The following STK10 variants were observed in gnomAD, a reference collection of about 807,000 sequenced individuals.
STK10 encodes the protein serine/threonine kinase 10, also known as serine/threonine-protein kinase 10.
A neutral mutation model predicts 113.8 loss-of-function variants in STK10; 78 were observed. That is an observed-to-expected ratio of 0.69 (90% CI 0.57 to 0.83). The LOEUF (loss-of-function observed/expected upper bound fraction) is 0.83. Ranked by LOEUF, STK10 falls within the 40% of genes least tolerant of loss-of-function variation. The pLI, the probability that STK10 is intolerant of heterozygous loss-of-function variation, is 0.00. For missense variants in STK10, 1,109 were observed against 1,280.1 expected, an observed-to-expected ratio of 0.87 and a Z score of 2.04; for synonymous variants, 465 against 494.7, an observed-to-expected ratio of 0.94 and a Z score of 0.80.
chr5:172,044,762 GC>G lies in STK10; in HGVS notation c.*119del. On this transcript the variant is annotated 3_prime_UTR_variant, in exon 19 of 19. Transcript: ENST00000176763. This position sits in a 1 kb window ranked among gnomAD's most constrained non-coding sequence, Gnocchi z 4.5. ...CAGTTGGGGTGGCACAGGGCGAGGG[GC>G]TGGATTTGAGCTGGCACAGACGCAA... is the stretch of plus-strand genomic sequence containing the variant. 6.5e-7 allele frequency: 1 copy of G among 1,542,410 alleles called. No homozygotes were observed. The highest frequency in any genetic ancestry group is 2.3e-5 in the East Asian group (1 of 44,338).
In STK10 at chr5:172,127,270, A is replaced by G. The variant is rs574882287; in HGVS notation, c.370+103T>C. 42 of 1,265,362 alleles carry G rather than the reference A, an allele frequency of 3.3e-5. No individual in the cohort carries two copies. In the African/African-American group the frequency reaches 3.7e-4, roughly 11 times the overall value. 78.4% of individuals were successfully genotyped at this position (1,265,362 alleles called of 1,614,324 possible). On this transcript the variant is annotated intron_variant, in intron 3 of 18. Transcript: ENST00000176763. ...AGGCCATGGGAACTGATGGAATGGG[A>G]GAGTGGAGGTCCCAGTCCTAGACAG...
In STK10 at chr5:172,187,816, G is replaced by A; in HGVS notation, c.156+71C>T. ...TCGGAGCCGGAGCCAGGCTGGCCGG[G>A]TCCGGCTCAGGCATCCCTTCCTTCC... is the stretch of plus-strand genomic sequence containing the variant. On this transcript the variant is annotated intron_variant, in intron 1 of 18. Transcript: ENST00000176763. The surrounding 1 kb of genome is among the most constrained non-coding windows in gnomAD (Gnocchi z 4.6). 1.3e-6 allele frequency: 2 copies of A among 1,568,982 alleles called. No homozygotes were observed. Among genetic ancestry groups the A allele is most frequent in the Non-Finnish European group, 1.7e-6 (2 of 1,157,566 alleles).
intron 18 of STK10, among the ~76,000 whole-genome samples, chr5:172,046,666 G>T (rs551738878): frequency 6.6e-6 from 1 of 152,122 alleles, no homozygotes; most frequent in African/African-American, 2.4e-5. Flanking sequence ...CAGAGTCAGC[G>T]ATCTTTTTTC....
intron 1 of STK10, among the ~76,000 whole-genome samples, chr5:172,182,414 T>A (rs1561837871): frequency 6.6e-6 from 1 of 151,990 alleles, no homozygotes; most frequent in Non-Finnish European, 1.5e-5. Flanking sequence ...AGGGTCTCAT[T>A]CTGTTGCCCA....
chr5:172,136,458 G>A (rs566929093), intron 2 of STK10, among the ~76,000 whole-genome samples: 62 of 152,272 alleles, frequency 4.1e-4, no homozygotes, highest in African/African-American at 1.4e-3. Context: ...TTAGCCAGGT[G>A]TGGTGGCAGG....
intron 12 of STK10, among the ~76,000 whole-genome samples, chr5:172,066,892 T>C (rs911863631): frequency 6.6e-6 from 1 of 152,130 alleles, no homozygotes; most frequent in African/African-American, 2.4e-5. Context: ...CCAAGCAGTA[T>C]AGCAAAAAAC....
intron 15 of STK10, 171 bp downstream of exon 15, chr5:172,057,178 G>C: frequency 1.2e-6 from 1 of 843,554 alleles, no homozygotes; most frequent in South Asian, 1.7e-5. Flanking sequence ...AGCTGAAGCA[G>C]GACGCCCCTG....
chr5:172,134,300 T>C (rs932931031), intron 2 of STK10, among the ~76,000 whole-genome samples: 1 of 152,230 alleles, frequency 6.6e-6, no homozygotes, highest in Non-Finnish European at 1.5e-5. Flanking sequence ...TGGTAGGATG[T>C]ATGATCATCC....
chr5:172,067,434 T>A (rs937133698), intron 12 of STK10, among the ~76,000 whole-genome samples: 2 of 151,050 alleles, frequency 1.3e-5, no homozygotes, highest in Admixed American at 1.3e-4. Flanking sequence ...AAGGAAACAA[T>A]AAAAAATTAC....
chr5:172,093,306 A>T lies in STK10; in HGVS notation c.1554+106T>A. 8.0e-7 allele frequency: 1 copy of T among 1,255,668 alleles called. No individual in the cohort carries two copies. The highest frequency in any genetic ancestry group is 1.5e-5 in the South Asian group (1 of 66,232). The allele number at this position is 1,255,668 out of a possible 1,614,324, so 77.8% of individuals were successfully genotyped here. On this transcript the variant is annotated intron_variant, in intron 9 of 18. Coordinates refer to ENST00000176763, the MANE Select transcript of STK10 (RefSeq NM_005990.4). This position sits in a 1 kb window ranked among gnomAD's most constrained non-coding sequence, Gnocchi z 4.1. ...CAAACCCAAAACCCCCTAATGAACC[A>T]CTTAAAATGCAAGGAAGCCCCTAAA...
chr5:172,082,601 C>T lies in STK10; in HGVS notation c.1810-96G>A. On this transcript the variant is annotated intron_variant, in intron 11 of 18. Coordinates refer to ENST00000176763, the MANE Select transcript of STK10 (RefSeq NM_005990.4). The surrounding 1 kb of genome is among the most constrained non-coding windows in gnomAD (Gnocchi z 4.3). ...ATGGGGAGAACTCAGAGCTTGTGAT[C>T]AGACCTAAGCTTGAATCCCAGCTCT... 1 of 1,427,906 alleles carries T rather than the reference C, an allele frequency of 7.0e-7. No individual in the cohort carries two copies. Among genetic ancestry groups the T allele is most frequent in the Non-Finnish European group, 9.4e-7 (1 of 1,068,002 alleles). The allele number at this position is 1,427,906 out of a possible 1,614,324, so 88.5% of individuals were successfully genotyped here.
intron 3 of STK10, among the ~76,000 whole-genome samples, chr5:172,123,939 T>A (rs145883928): frequency 0.01 from 1,553 of 152,256 alleles, 41 homozygotes; most frequent in African/African-American, 0.036. Flanking sequence ...TATTATTTTA[T>A]TTTTTTGAGA....
Position 172,082,182 on chromosome 5 carries a change from G to T in STK10, c.1989+144C>A. The T allele has an allele frequency of 2.4e-6, 2 of 838,362 alleles. No individual in the cohort carries two copies. The highest frequency in any genetic ancestry group is 3.4e-6 in the Non-Finnish European group (2 of 594,578). The allele number at this position is 838,362 out of a possible 1,614,324, so 51.9% of individuals were successfully genotyped here. A position where few individuals can be genotyped will look rare whatever the true frequency, so the allele number is the denominator to read the frequency against. On this transcript the variant is annotated intron_variant, in intron 12 of 18. Transcript: ENST00000176763. This position sits in a 1 kb window ranked among gnomAD's most constrained non-coding sequence, Gnocchi z 4.3. ...AGTGGCTCCTCATGGCGCAGCTTGG[G>T]CACACAGATCCAGGCTCACCTGCTC...
chr5:172,125,352 T>C (rs772174178), intron 3 of STK10, among the ~76,000 whole-genome samples: 1 of 152,150 alleles, frequency 6.6e-6, no homozygotes, highest in Non-Finnish European at 1.5e-5. Flanking sequence ...GACCTACCTC[T>C]TTATGGGTAC....
intron 12 of STK10, among the ~76,000 whole-genome samples, chr5:172,079,148 C>T (rs1351203754): frequency 6.6e-6 from 1 of 152,204 alleles, no homozygotes; most frequent in Non-Finnish European, 1.5e-5. Flanking sequence ...ACACTCCTGC[C>T]TGTGGCCCAC....
At chr5:172,103,840 C>T (rs78075679) in intron 7 of STK10, among the ~76,000 whole-genome samples, 15,094 of 152,172 alleles carry the variant, frequency 0.099, 859 homozygotes, top group Non-Finnish European at 0.12. Flanking sequence ...TTCATAGTAC[C>T]TCTTCATTTA....
chr5:172,090,935 T>TAA (rs547251159), intron 9 of STK10, among the ~76,000 whole-genome samples: 548 of 46,130 alleles, frequency 0.012, 21 homozygotes, highest in Admixed American at 0.024. Context: ...ACTCCGTCTC[T>TAA]AAAAAAAAAA....
rs1767458803 is a variant in STK10 at position 172,044,696 on chromosome 5, C to G, written c.*186G>C. Reference sequence around the variant, plus strand: ...ATAATTACACCTCACCCTCCACAGGCCAGCAAGAAGTCAGGAACGCTGGGG... The same window carrying G: ...ATAATTACACCTCACCCTCCACAGGGCAGCAAGAAGTCAGGAACGCTGGGG... On this transcript the variant is annotated 3_prime_UTR_variant, in exon 19 of 19. Transcript: ENST00000176763. The surrounding 1 kb of genome is among the most constrained non-coding windows in gnomAD (Gnocchi z 4.5). 1 of 869,996 alleles carries G rather than the reference C, an allele frequency of 1.1e-6. No homozygotes were observed. Among genetic ancestry groups the G allele is most frequent in the Non-Finnish European group, 1.8e-6 (1 of 560,458 alleles). The allele number at this position is 869,996 out of a possible 1,614,324, so 53.9% of individuals were successfully genotyped here. A position where few individuals can be genotyped will look rare whatever the true frequency, so the allele number is the denominator to read the frequency against.
chr5:172,150,457 G>C (rs946036541), intron 2 of STK10, among the ~76,000 whole-genome samples: 5 of 150,914 alleles, frequency 3.3e-5, no homozygotes, highest in African/African-American at 1.2e-4. Flanking sequence ...CTCCAGCCTG[G>C]GCAACAAGAG....
Sources: allele counts gnomAD v4.1 joint callset (sites outside exome capture counted in the v4.1 genomes callset), GRCh38; gene constraint gnomAD v4.1.1; non-coding constraint Gnocchi (gnomAD v3.1); transcripts MANE v1.5; gene names NCBI Gene and HGNC (gene_info 2026-07-23, HGNC 2026-07-21).